RNLS: variants seen among roughly 807,000 people sequenced by gnomAD.
RNLS encodes the protein renalase.
Under a neutral mutation model 39.8 loss-of-function variants are expected in RNLS, and 39 were observed. That is an observed-to-expected ratio of 0.98 (90% CI 0.76 to 1.28). The LOEUF (loss-of-function observed/expected upper bound fraction) is 1.28, where lower values mean the gene tolerates loss of function less well. Ranked by LOEUF, RNLS falls within the 50% of genes most tolerant of loss-of-function variation. The probability of loss-of-function intolerance (pLI) is 0.00; values close to 1 mark genes in which losing one functional copy is unlikely to be tolerated. For synonymous variants in RNLS, 147 were observed against 150.7 expected (o/e 0.98, Z 0.18); for missense variants, 410 against 413.3 (o/e 0.99, Z 0.07).
At chr10:88,301,767 C>A (rs1321020724) in intron 6 of RNLS, among the ~76,000 whole-genome samples, 1 of 152,072 alleles carries the variant, frequency 6.6e-6, no homozygotes, top group East Asian at 1.9e-4. Flanking sequence ...TGTCATAGTC[C>A]CTGGCATTGA....
the RNLS span, among the ~76,000 whole-genome samples, chr10:88,258,359 A>C: frequency 2.6e-5 from 4 of 152,174 alleles, no homozygotes; most frequent in Non-Finnish European, 4.4e-5. Context: ...ATAAAATCTA[A>C]TTTGACTTGT....
the RNLS span, among the ~76,000 whole-genome samples, chr10:88,192,269 A>G: frequency 6.6e-4 from 100 of 152,262 alleles, no homozygotes; most frequent in Admixed American, 1.2e-3. Flanking sequence ...AGAGAATCCT[A>G]TCTGCCTTGT....
chr10:88,389,295 C>T (rs1045255307), intron 4 of RNLS, among the ~76,000 whole-genome samples: 9 of 152,124 alleles, frequency 5.9e-5, no homozygotes, highest in Non-Finnish European at 2.9e-5. Flanking sequence ...AGAGGTATGT[C>T]TCCTAACAGA....
chr10:88,423,351 G>C (rs182060285), intron 4 of RNLS, among the ~76,000 whole-genome samples: 108 of 152,262 alleles, frequency 7.1e-4, no homozygotes, highest in Admixed American at 1.5e-3. Context: ...TGTTCATTTG[G>C]ACCCAGAAGT....
chr10:88,235,990 G>A, the RNLS span, among the ~76,000 whole-genome samples: 2 of 152,034 alleles, frequency 1.3e-5, no homozygotes, highest in Non-Finnish European at 2.9e-5. Flanking sequence ...GAAATTATGT[G>A]AAAATTTTGC....
chr10:88,191,704 G>A, the RNLS span, among the ~76,000 whole-genome samples: 5,472 of 152,278 alleles, frequency 0.036, 305 homozygotes, highest in African/African-American at 0.12. Context: ...AAGCTCAGTC[G>A]AAGCTACTCT....
chr10:88,437,773 A>G (rs186864290), intron 4 of RNLS, among the ~76,000 whole-genome samples: 5 of 152,130 alleles, frequency 3.3e-5, no homozygotes, highest in Admixed American at 2.6e-4. Flanking sequence ...ATCCTACCCA[A>G]TGAGATGTGA....
chr10:88,374,227 C>T (rs1850787373), intron 4 of RNLS, among the ~76,000 whole-genome samples: 1 of 152,028 alleles, frequency 6.6e-6, no homozygotes, highest in African/African-American at 2.4e-5. Context: ...GTTGTCCTGG[C>T]TCATCTCTGG....
the RNLS span, among the ~76,000 whole-genome samples, chr10:88,251,073 A>G: frequency 6.6e-6 from 1 of 152,240 alleles, no homozygotes; most frequent in Non-Finnish European, 1.5e-5. Flanking sequence ...ACTGAATAAA[A>G]TGCTTGCATA....
chr10:88,461,175 A>T (rs1378693312), intron 4 of RNLS, among the ~76,000 whole-genome samples: 1 of 152,052 alleles, frequency 6.6e-6, no homozygotes, highest in Non-Finnish European at 1.5e-5. Flanking sequence ...CCCTTGTTGG[A>T]TACTGAACTT....
At chr10:88,366,704 C>A (rs1162041780) in intron 4 of RNLS, among the ~76,000 whole-genome samples, 1 of 129,694 alleles carries the variant, frequency 7.7e-6, no homozygotes, top group East Asian at 2.2e-4. Context: ...AAATCCACAG[C>A]AACCAATTAA....
intron 4 of RNLS, among the ~76,000 whole-genome samples, chr10:88,523,097 C>A (rs1846858856): frequency 6.6e-6 from 1 of 152,088 alleles, no homozygotes; most frequent in South Asian, 2.1e-4. Context: ...TCAAAAAAAA[C>A]CCTTTTCTAT....
intron 4 of RNLS, among the ~76,000 whole-genome samples, chr10:88,543,661 A>G (rs753427161): frequency 4.6e-5 from 7 of 152,146 alleles, no homozygotes; most frequent in Non-Finnish European, 1.0e-4. Flanking sequence ...CACACAAAAA[A>G]ACTTCGTATG....
In RNLS at chr10:88,583,102, A is replaced by C. The variant is rs752142693; in HGVS notation, c.89T>G (p.Leu30Arg). The C allele has an allele frequency of 1.1e-5, 17 of 1,614,058 alleles. No individual in the cohort carries two copies. Among genetic ancestry groups the C allele is most frequent in the Non-Finnish European group, 1.4e-5 (16 of 1,179,928 alleles). Residue 30 changes from leucine (L) to arginine (R), a missense_variant, in exon 1 of 7, where the codon CTT becomes CGT. Physicochemically the swap from Leu to Arg is moderately radical, Grantham distance 102. Transcript: ENST00000331772. ...GTCCTCAGCCTTGTCCCACACAGCAAGGTACAAGGGACCGGACGTCTGCCT... is the reference window on the plus strand; with the variant it reads ...GTCCTCAGCCTTGTCCCACACAGCACGGTACAAGGGACCGGACGTCTGCCT... ...LRRQTSGPLYLAVWDKAEDSG... is the reference protein window; with the variant it reads ...LRRQTSGPLYRAVWDKAEDSG...
chr10:88,542,674 A>T (rs1299075364), intron 4 of RNLS, among the ~76,000 whole-genome samples: 1 of 152,192 alleles, frequency 6.6e-6, no homozygotes, highest in Non-Finnish European at 1.5e-5. Flanking sequence ...TCTTCTGCAA[A>T]CCACAAGTGA....
chr10:88,199,679 C>A, the RNLS span, among the ~76,000 whole-genome samples: 35 of 152,118 alleles, frequency 2.3e-4, no homozygotes, highest in African/African-American at 7.7e-4. Context: ...CCTATGGGTC[C>A]CTGGCCTTCA....
intron 3 of RNLS, among the ~76,000 whole-genome samples, chr10:88,574,055 C>T (rs1260640679): frequency 6.6e-6 from 1 of 152,086 alleles, no homozygotes; most frequent in South Asian, 2.1e-4. Flanking sequence ...ACACGAGAAT[C>T]GCTTGAACTC....
chr10:88,267,414 A>G, the RNLS span, among the ~76,000 whole-genome samples: 21 of 152,240 alleles, frequency 1.4e-4, no homozygotes, highest in African/African-American at 4.8e-4. Flanking sequence ...CCTCTTCACC[A>G]AAGGGGAAAA....
chr10:88,252,200 G>A, the RNLS span, among the ~76,000 whole-genome samples: 7 of 151,926 alleles, frequency 4.6e-5, no homozygotes, highest in East Asian at 1.9e-4. Context: ...CCTCTATCTC[G>A]TCATATCCAA....
Sources: allele counts gnomAD v4.1 joint callset (sites outside exome capture counted in the v4.1 genomes callset), GRCh38; gene constraint gnomAD v4.1.1; transcripts MANE v1.5; gene names NCBI Gene and HGNC (gene_info 2026-07-23, HGNC 2026-07-21).